Variants in PREX1 observed in about 807,000 individuals in gnomAD.
PREX1 encodes the protein phosphatidylinositol 3,4,5-trisphosphate-dependent Rac exchanger 1 protein.
A neutral mutation model predicts 198.3 loss-of-function variants in PREX1; 41 were observed. The ratio of observed to expected loss-of-function variants is 0.21; its 90% CI spans 0.16 to 0.27. PREX1 has a LOEUF of 0.27. PREX1 is among the 10% of genes least tolerant of loss of function. The pLI is 1.00. For synonymous variants in PREX1, 843 were observed against 887.2 expected (o/e 0.95, Z 0.89); for missense variants, 1,620 against 2,200.7 (o/e 0.74, Z 5.28).
At chr20:48,866,721 G>A in the PREX1 span, among the ~76,000 whole-genome samples, 2 of 152,092 alleles carry the variant, frequency 1.3e-5, no homozygotes, top group African/African-American at 4.8e-5. Flanking sequence ...GAGTCTGGGC[G>A]CTAGAGACCA....
chr20:48,847,848 TAATTGG>T, the PREX1 span, among the ~76,000 whole-genome samples: 4 of 152,260 alleles, frequency 2.6e-5, no homozygotes, highest in Non-Finnish European at 1.5e-5. Context: ...GCCTGCCATG[TAATTGG>T]AATCATGTGC....
At chr20:48,743,349 T>C (rs888078145) in intron 3 of PREX1, among the ~76,000 whole-genome samples, 7 of 152,006 alleles carry the variant, frequency 4.6e-5, no homozygotes, top group African/African-American at 1.7e-4. Flanking sequence ...CTGTGGCCAC[T>C]TGCCCCTTCT....
intron 18 of PREX1, 127 bp downstream of exon 18, chr20:48,656,913 T>C: frequency 1.6e-6 from 2 of 1,239,812 alleles, no homozygotes; most frequent in Non-Finnish European, 2.2e-6. Flanking sequence ...AGGTCCAGCT[T>C]GTGTTGTGTG....
intron 19 of PREX1, among the ~76,000 whole-genome samples, chr20:48,653,833 C>A (rs139786641): frequency 6.6e-4 from 101 of 152,320 alleles, no homozygotes; most frequent in African/African-American, 2.4e-3. Context: ...TGGCAGAAAG[C>A]GTGATGGGCT....
chr20:48,657,317 C>G lies in PREX1; in HGVS notation c.1975-129G>C. The G allele has an allele frequency of 2.6e-6, 3 of 1,156,306 alleles. No individual in the cohort carries two copies. In the East Asian group the frequency reaches 7.7e-5, roughly 30 times the overall value. 71.6% of individuals were successfully genotyped at this position (1,156,306 alleles called of 1,614,324 possible). On this transcript the variant is annotated intron_variant, in intron 17 of 39. Transcript: ENST00000371941. ...GGGATCCAGCAGGACTGGGTGACTG[C>G]GTGCTGTCTGTGGTAAGCAGTTGAG... is the stretch of plus-strand genomic sequence containing the variant.
At chr20:48,625,961 C>T (rs547299180) in intron 39 of PREX1, 34 bp from the exon 40 acceptor site, 245 of 1,518,962 alleles carry the variant, frequency 1.6e-4, no homozygotes, top group Non-Finnish European at 2.1e-4. Context: ...GAGGAGAGGC[C>T]GGGGCGGGCC....
the PREX1 span, among the ~76,000 whole-genome samples, chr20:48,836,790 T>C: frequency 6.6e-6 from 1 of 150,852 alleles, no homozygotes; most frequent in Non-Finnish European, 1.5e-5. Flanking sequence ...TGGCACACAC[T>C]TGTAATCCCC....
intron 5 of PREX1, among the ~76,000 whole-genome samples, chr20:48,716,635 G>T (rs1254793472): frequency 1.3e-5 from 2 of 152,180 alleles, no homozygotes; most frequent in Non-Finnish European, 2.9e-5. Flanking sequence ...CCTCTCTCGG[G>T]CCATGGAGTC....
rs750072767 is a variant in PREX1 at position 48,645,961 on chromosome 20, G to A, written c.3402C>T (p.Ser1134=). Residue 1134 remains serine (S), a synonymous_variant, in exon 26 of 40, where the codon AGC becomes AGT. Transcript: ENST00000371941. ...ASSLPLVSEE[S]EMDRSDHGGI... is the part of the protein sequence containing the mutation. ...CCCCATGGTCACTCCTGTCCATCTC[G>A]CTCTCTTCACTGACCAGGGGCAGGG... 2.2e-4 allele frequency: 349 copies of A among 1,614,030 alleles called. 1 individual carries two copies. The highest frequency in any genetic ancestry group is 1.9e-4 in the South Asian group (17 of 91,086).
the PREX1 span, among the ~76,000 whole-genome samples, chr20:48,882,418 C>T: frequency 7.3e-6 from 1 of 137,852 alleles, no homozygotes; most frequent in East Asian, 2.2e-4. Context: ...AGGAGAATGG[C>T]GTGAACCCAG....
At chr20:48,880,981 TAAAAAAAAAAA>T in the PREX1 span, among the ~76,000 whole-genome samples, 21 of 20,996 alleles carry the variant, frequency 1.0e-3, no homozygotes, top group South Asian at 5.6e-3. Context: ...AAACCATTGC[TAAAAAAAAAAA>T]AAAAAAAAAA....
At chr20:48,733,314 G>A (rs1355169217) in intron 4 of PREX1, among the ~76,000 whole-genome samples, 1 of 152,190 alleles carries the variant, frequency 6.6e-6, no homozygotes, top group Non-Finnish European at 1.5e-5. Flanking sequence ...AGGCTCTATT[G>A]TATGGGTAGA....
chr20:48,822,619 T>C (rs988333723), intron 1 of PREX1, among the ~76,000 whole-genome samples: 7 of 152,212 alleles, frequency 4.6e-5, no homozygotes, highest in Non-Finnish European at 1.0e-4. Context: ...GTCGGCTTCT[T>C]AAAAAATATA....
rs41314908 is a variant in PREX1, at chr20:48,666,433, C to T, written c.1666-78G>A. The T allele has an allele frequency of 0.12, 158,808 of 1,270,978 alleles. 10,913 individuals carry two copies. The highest frequency in any genetic ancestry group is 0.18 in the Middle Eastern group (1,011 of 5,480). 78.7% of individuals were successfully genotyped at this position (1,270,978 alleles called of 1,614,324 possible). ...TGCATGGCCAACGAGAAGCCCACAA[C>T]CACCCAAGAAGGTAGGCTCCACGAG... is the stretch of plus-strand genomic sequence containing the variant. On this transcript the variant is annotated intron_variant, in intron 14 of 39. Transcript: ENST00000371941. This position sits in a 1 kb window ranked among gnomAD's most constrained non-coding sequence, Gnocchi z 4.3.
chr20:48,803,791 T>C (rs2123019267), intron 1 of PREX1, among the ~76,000 whole-genome samples: 1 of 152,196 alleles, frequency 6.6e-6, no homozygotes, highest in East Asian at 1.9e-4. Flanking sequence ...TCTGGATGGG[T>C]GATACTTGGT....
At chr20:48,815,405 C>T (rs2090454743) in intron 1 of PREX1, among the ~76,000 whole-genome samples, 1 of 152,176 alleles carries the variant, frequency 6.6e-6, no homozygotes, top group Non-Finnish European at 1.5e-5. Context: ...GTCTCAATTT[C>T]AAAGGATTGA....
chr20:48,823,389 T>C (rs1306406506), intron 1 of PREX1, among the ~76,000 whole-genome samples: 1 of 152,110 alleles, frequency 6.6e-6, no homozygotes, highest in Non-Finnish European at 1.5e-5. Context: ...CAGCCTCCTC[T>C]AGGGGAGTGG....
chr20:48,739,812 G>A (rs2090073121), intron 3 of PREX1, among the ~76,000 whole-genome samples: 1 of 152,170 alleles, frequency 6.6e-6, no homozygotes, highest in Non-Finnish European at 1.5e-5. Context: ...TCCTAGCTCT[G>A]TAAGCTTGCC....
rs879506997 is a variant in PREX1, at chr20:48,760,111, C to CA, written c.220-12232dup. 5.2e-4 allele frequency among the ~76,000 whole-genome samples: 71 copies of CA among 135,260 alleles called. 1 individual carries two copies. Among genetic ancestry groups the CA allele is most frequent in the Admixed American group, 9.7e-4 (13 of 13,468 alleles). The allele number at this position is 135,260 out of a possible 152,430, so 88.7% of individuals were successfully genotyped here. A position where few individuals can be genotyped will look rare whatever the true frequency, so the allele number is the denominator to read the frequency against. On this transcript the variant is annotated intron_variant, in intron 1 of 39. Transcript: ENST00000371941. Reference sequence around the variant, plus strand: ...TGGATGACAAAGCAAGACCCTGCCTCAAAAAAAAAAAAGCATTGGCTATTA... The same window carrying CA: ...TGGATGACAAAGCAAGACCCTGCCTCAAAAAAAAAAAAAGCATTGGCTATTA...
Sources: gnomAD v4.1 joint callset for allele counts (sites outside exome capture counted in the v4.1 genomes callset) on GRCh38, gnomAD v4.1.1 for gene constraint, Gnocchi (gnomAD v3.1) non-coding constraint, MANE v1.5 for transcripts, NCBI Gene and HGNC (gene_info 2026-07-23, HGNC 2026-07-21) for gene names.